The following SEPTIN9 variants were observed in gnomAD, a reference collection of about 807,000 sequenced individuals.
The protein encoded by SEPTIN9 is septin 9.
In SEPTIN9, 13 loss-of-function variants were observed where a neutral mutation model predicts 56.6. The ratio of observed to expected loss-of-function variants is 0.23; its 90% CI spans 0.15 to 0.37. The LOEUF is 0.37. SEPTIN9 is among the 10% of genes least tolerant of loss of function. The pLI is 1.00. For missense variants in SEPTIN9, 650 were observed against 823.1 expected, an observed-to-expected ratio of 0.79 and a Z score of 2.57; for synonymous variants, 332 against 334.1, an observed-to-expected ratio of 0.99 and a Z score of 0.07.
chr17:77,447,828 T>A (rs1305041711), intron 3 of SEPTIN9, among the ~76,000 whole-genome samples: 2 of 152,242 alleles, frequency 1.3e-5, no homozygotes, highest in African/African-American at 2.4e-5. Context: ...TTTCACCATG[T>A]TGGTCAGGCT....
chr17:77,346,876 G>T (rs111855404), intron 2 of SEPTIN9, among the ~76,000 whole-genome samples: 14 of 152,278 alleles, frequency 9.2e-5, no homozygotes, highest in African/African-American at 3.4e-4. Context: ...CAGAGTCATC[G>T]TGAATGGGAT....
chr17:77,319,753 C>T lies in SEPTIN9; in HGVS notation c.76+12556C>T, dbSNP rs924018438. The T allele has an allele frequency of 3.7e-6, 4 of 1,071,714 alleles. No homozygotes were observed. Among genetic ancestry groups the T allele is most frequent in the Non-Finnish European group, 4.5e-6 (4 of 882,656 alleles). The allele number at this position is 1,071,714 out of a possible 1,614,324, so 66.4% of individuals were successfully genotyped here. On this transcript the variant is annotated intron_variant, in intron 2 of 11. Transcript: ENST00000427177. The surrounding 1 kb of genome is among the most constrained non-coding windows in gnomAD (Gnocchi z 5.3). ...CTTAAGCCCAAGGAAATCGTAGCATCGCGGGACAGGGAAAATGAAAGACTT... is the reference window on the plus strand; with the variant it reads ...CTTAAGCCCAAGGAAATCGTAGCATTGCGGGACAGGGAAAATGAAAGACTT...
intron 3 of SEPTIN9, among the ~76,000 whole-genome samples, chr17:77,412,463 G>A (rs1056941522): frequency 1.3e-5 from 2 of 152,082 alleles, no homozygotes; most frequent in Non-Finnish European, 2.9e-5. Context: ...TAAGCCAGGC[G>A]TGATGGCTAA....
intron 2 of SEPTIN9, among the ~76,000 whole-genome samples, chr17:77,339,957 C>T (rs536096988): frequency 1.3e-5 from 2 of 151,826 alleles, no homozygotes; most frequent in African/African-American, 4.8e-5. Context: ...TCCTGAGTAG[C>T]TGGGACTGCA....
Position 77,453,383 on chromosome 17 carries a change from A to T in SEPTIN9, c.722-28761A>T, listed in dbSNP as rs1263034722. On this transcript the variant is annotated intron_variant, in intron 3 of 11. Transcript: ENST00000427177. This position sits in a 1 kb window ranked among gnomAD's most constrained non-coding sequence, Gnocchi z 4.4. Reference sequence around the variant, plus strand: ...CACTTCAGGAGGCCAAGGCAGGCAGATCACCTGAGGTCAAGAGTTCGAGAC... The same window carrying T: ...CACTTCAGGAGGCCAAGGCAGGCAGTTCACCTGAGGTCAAGAGTTCGAGAC... Among the ~76,000 whole-genome samples the T allele has an allele frequency of 1.3e-5, 2 of 152,136 alleles. No individual in the cohort carries two copies. The highest frequency in any genetic ancestry group is 2.9e-5 in the Non-Finnish European group (2 of 68,016).
At chr17:77,417,118 TC>T (rs1193049162) in intron 3 of SEPTIN9, among the ~76,000 whole-genome samples, 1 of 152,182 alleles carries the variant, frequency 6.6e-6, no homozygotes, top group African/African-American at 2.4e-5. Flanking sequence ...GTCCTCAGTT[TC>T]CCCATTTATA....
chr17:77,293,886 T>A (rs1598475505), intron 1 of SEPTIN9, among the ~76,000 whole-genome samples: 1 of 152,008 alleles, frequency 6.6e-6, no homozygotes, highest in East Asian at 1.9e-4. Context: ...GGTGGATCAC[T>A]TGAGGCCAGG....
intron 3 of SEPTIN9, among the ~76,000 whole-genome samples, chr17:77,422,989 C>T (rs958543966): frequency 6.6e-6 from 1 of 152,128 alleles, no homozygotes; most frequent in Non-Finnish European, 1.5e-5. Flanking sequence ...GATTAAATGC[C>T]AACATCAGGG....
intron 2 of SEPTIN9, among the ~76,000 whole-genome samples, chr17:77,311,227 C>T (rs891098265): frequency 3.4e-5 from 5 of 148,844 alleles, no homozygotes; most frequent in South Asian, 2.2e-4. Context: ...AGGACCCCCC[C>T]CCCACCCCAC....
chr17:77,409,350 G>A (rs73373392), intron 3 of SEPTIN9, among the ~76,000 whole-genome samples: 361 of 152,242 alleles, frequency 2.4e-3, no homozygotes, highest in African/African-American at 8.0e-3. Flanking sequence ...ACGGGGTGGG[G>A]CCAGAGAACA....
intron 3 of SEPTIN9, among the ~76,000 whole-genome samples, chr17:77,447,365 C>T (rs558458087): frequency 1.3e-5 from 2 of 152,322 alleles, no homozygotes; most frequent in South Asian, 4.1e-4. Context: ...TGCATCGCCT[C>T]CTAGCTTCAG....
chr17:77,412,733 A>G (rs1568048836), intron 3 of SEPTIN9, among the ~76,000 whole-genome samples: 1 of 152,164 alleles, frequency 6.6e-6, no homozygotes, highest in African/African-American at 2.4e-5. Flanking sequence ...CTAAAAAAAA[A>G]AAAGAGTTAT....
At chr17:77,364,192 C>T (rs1195214986) in intron 2 of SEPTIN9, among the ~76,000 whole-genome samples, 1 of 152,182 alleles carries the variant, frequency 6.6e-6, no homozygotes, top group Non-Finnish European at 1.5e-5. Context: ...GCCAGCGCAC[C>T]CCGCGCTTCC....
chr17:77,320,018 C>A (rs2032849899), intron 2 of SEPTIN9: 1 of 1,327,596 alleles, frequency 7.5e-7, no homozygotes. Flanking sequence ...TCGGGGCCCA[C>A]TTCGGGCCCT....
Position 77,499,758 on chromosome 17 carries a change from T to C in SEPTIN9, c.*1100T>C, listed in dbSNP as rs407525. The C allele has an allele frequency of 0.98, 341,604 of 348,302 alleles. 167,535 individuals are homozygous for C. The highest frequency in any genetic ancestry group is 1 in the East Asian group (20,245 of 20,246). 21.6% of individuals were successfully genotyped at this position (348,302 alleles called of 1,614,324 possible). A position where few individuals can be genotyped will look rare whatever the true frequency, so the allele number is the denominator to read the frequency against. On this transcript the variant is annotated 3_prime_UTR_variant, in exon 12 of 12. Coordinates refer to ENST00000427177, the MANE Select transcript of SEPTIN9 (RefSeq NM_001113491.2). ...AGCCAGCCACCCCTGCCACTCACCC[T>C]TCCTGGCCCAGGCCTTGCTGACTCT...
intron 2 of SEPTIN9, among the ~76,000 whole-genome samples, chr17:77,351,516 ATC>A (rs2034064859): frequency 6.6e-6 from 1 of 152,282 alleles, no homozygotes; most frequent in Admixed American, 6.5e-5. Flanking sequence ...AGCTCTGGGC[ATC>A]TCTCAAGGTC....
chr17:77,320,393 G>A (rs1031596219), intron 2 of SEPTIN9: 5 of 1,543,928 alleles, frequency 3.2e-6, no homozygotes, highest in Non-Finnish European at 4.5e-6. Flanking sequence ...CCACTGCCCT[G>A]GACTCGGGGC....
chr17:77,422,076 T>TC (rs1773188186), intron 3 of SEPTIN9, among the ~76,000 whole-genome samples: 2 of 152,168 alleles, frequency 1.3e-5, no homozygotes, highest in Non-Finnish European at 2.9e-5. Context: ...CAGGCTGAAC[T>TC]CCAACTCCTG....
chr17:77,356,541 G>A (rs1221199558), intron 2 of SEPTIN9, among the ~76,000 whole-genome samples: 1 of 150,610 alleles, frequency 6.6e-6, no homozygotes, highest in Admixed American at 6.6e-5. Context: ...CAAGCGAGGT[G>A]ATAAATGTAG....
Sources: gnomAD v4.1 joint callset for allele counts (sites outside exome capture counted in the v4.1 genomes callset) on GRCh38, gnomAD v4.1.1 for gene constraint, Gnocchi (gnomAD v3.1) non-coding constraint, MANE v1.5 for transcripts, NCBI Gene and HGNC (gene_info 2026-07-23, HGNC 2026-07-21) for gene names.